The following EXOC6B variants were observed in gnomAD, a reference collection of about 807,000 sequenced individuals.
EXOC6B encodes the protein exocyst complex component 6B, also known as SEC15 homolog B.
A neutral mutation model predicts 113.5 loss-of-function variants in EXOC6B; 54 were observed. The ratio of observed to expected loss-of-function variants is 0.48; its 90% CI spans 0.38 to 0.60. EXOC6B has a LOEUF of 0.60. Ranked by LOEUF, EXOC6B falls within the 20% of genes least tolerant of loss-of-function variation. EXOC6B has a pLI of 0.00. For synonymous variants in EXOC6B, 357 were observed against 339.0 expected (o/e 1.05, Z -0.58); for missense variants, 797 against 977.5 (o/e 0.82, Z 2.46).
chr2:72,605,277 C>G (rs973925863), intron 6 of EXOC6B, among the ~76,000 whole-genome samples: 37 of 148,124 alleles, frequency 2.5e-4, no homozygotes, highest in Admixed American at 6.1e-4. Context: ...GAGCAAGACT[C>G]TGTCTCCCAA....
chr2:72,385,746 C>T (rs141871011), intron 18 of EXOC6B, among the ~76,000 whole-genome samples: 3 of 152,086 alleles, frequency 2.0e-5, no homozygotes, highest in Admixed American at 1.3e-4. Flanking sequence ...ATAGCCAAGA[C>T]GTATATGAAA....
intron 11 of EXOC6B, among the ~76,000 whole-genome samples, chr2:72,503,375 G>A (rs1411095125): frequency 2.0e-5 from 3 of 152,048 alleles, no homozygotes; most frequent in Admixed American, 2.0e-4. Flanking sequence ...CCAACCCCCA[G>A]GCAACAGGGA....
chr2:72,247,001 A>G (rs1682705018), intron 20 of EXOC6B, among the ~76,000 whole-genome samples: 1 of 152,164 alleles, frequency 6.6e-6, no homozygotes, highest in African/African-American at 2.4e-5. Context: ...CATATTTAGC[A>G]ACTTTACAGT....
intron 20 of EXOC6B, among the ~76,000 whole-genome samples, chr2:72,322,778 G>A (rs1369791579): frequency 6.6e-6 from 1 of 152,088 alleles, no homozygotes; most frequent in East Asian, 1.9e-4. Flanking sequence ...GGGAAAACTG[G>A]CTAGCAATAT....
At chr2:72,515,557 A>C in intron 8 of EXOC6B, 1 of 1,005,126 alleles carries the variant, frequency 9.9e-7, no homozygotes, top group Non-Finnish European at 1.2e-6. Flanking sequence ...GAAGCAGGAA[A>C]AAAGCAGGAA....
intron 20 of EXOC6B, among the ~76,000 whole-genome samples, chr2:72,216,703 A>G (rs1680558085): frequency 6.6e-6 from 1 of 152,232 alleles, no homozygotes; most frequent in Non-Finnish European, 1.5e-5. Flanking sequence ...CATATACACC[A>G]TGGAAAACTA....
intron 7 of EXOC6B, among the ~76,000 whole-genome samples, chr2:72,560,975 G>T (rs1703856101): frequency 6.6e-6 from 1 of 151,904 alleles, no homozygotes; most frequent in Non-Finnish European, 1.5e-5. Flanking sequence ...AGTGCAAATG[G>T]ACACTCATTT....
At chr2:72,470,506 T>A (rs1043122363) in intron 17 of EXOC6B, among the ~76,000 whole-genome samples, 1 of 152,090 alleles carries the variant, frequency 6.6e-6, no homozygotes, top group African/African-American at 2.4e-5. Context: ...TTAGGGTACA[T>A]TGCACAACGC....
chr2:72,791,391 A>G (rs1207509125), intron 1 of EXOC6B, among the ~76,000 whole-genome samples: 1 of 152,096 alleles, frequency 6.6e-6, no homozygotes, highest in African/African-American at 2.4e-5. Flanking sequence ...AAAAAAATAA[A>G]CAAAACTAGC....
chr2:72,472,266 G>A (rs1698456796), intron 17 of EXOC6B, among the ~76,000 whole-genome samples: 1 of 151,998 alleles, frequency 6.6e-6, no homozygotes, highest in Admixed American at 6.6e-5. Flanking sequence ...TAATTTTTTG[G>A]AACAGTTTCA....
At chr2:72,656,421 A>G (rs574512789) in intron 6 of EXOC6B, among the ~76,000 whole-genome samples, 6 of 152,222 alleles carry the variant, frequency 3.9e-5, no homozygotes, top group African/African-American at 1.4e-4. Context: ...TCAAACAGAA[A>G]ACAAAGAAAA....
chr2:72,662,130 A>C, intron 6 of EXOC6B, among the ~76,000 whole-genome samples: 1 of 151,144 alleles, frequency 6.6e-6, no homozygotes, highest in Non-Finnish European at 1.5e-5. Flanking sequence ...GGGGAAAGGA[A>C]GAGAGGAAGT....
chr2:72,627,509 AGTT>A (rs1672132538), intron 6 of EXOC6B, among the ~76,000 whole-genome samples: 1 of 152,172 alleles, frequency 6.6e-6, no homozygotes, highest in Non-Finnish European at 1.5e-5. Flanking sequence ...TTTTGGATAC[AGTT>A]AGTTTCAAGT....
chr2:72,212,468 G>A (rs1680254404), intron 20 of EXOC6B, among the ~76,000 whole-genome samples: 1 of 152,068 alleles, frequency 6.6e-6, no homozygotes, highest in South Asian at 2.1e-4. Context: ...AGGGATAAAA[G>A]AAGAAAGCAA....
intron 6 of EXOC6B, among the ~76,000 whole-genome samples, chr2:72,673,991 G>A (rs1201600827): frequency 6.6e-6 from 1 of 151,858 alleles, no homozygotes; most frequent in Non-Finnish European, 1.5e-5. Flanking sequence ...TCTGACAAAC[G>A]GCAGATACTG....
At chr2:72,600,035 C>A (rs1218267238) in intron 6 of EXOC6B, among the ~76,000 whole-genome samples, 1 of 152,060 alleles carries the variant, frequency 6.6e-6, no homozygotes, top group African/African-American at 2.4e-5. Context: ...TGACTATTGA[C>A]AAACTGATTC....
chr2:72,511,642 C>A (rs1319777435), intron 11 of EXOC6B, among the ~76,000 whole-genome samples: 1 of 152,116 alleles, frequency 6.6e-6, no homozygotes, highest in Non-Finnish European at 1.5e-5. Context: ...TGTTATCCCA[C>A]CTTCACCTTG....
chr2:72,373,182 C>T (rs1312963924), intron 19 of EXOC6B, among the ~76,000 whole-genome samples: 1 of 151,476 alleles, frequency 6.6e-6, no homozygotes, highest in African/African-American at 2.4e-5. Context: ...AATTCTCCTG[C>T]CTCAGCCTCT....
rs957548581 is a variant in EXOC6B, at chr2:72,351,730, C to T, written c.2123-16710G>A. Among the ~76,000 whole-genome samples, 129 of 152,076 alleles carry T rather than the reference C, an allele frequency of 8.5e-4. 1 individual carries two copies. The highest frequency in any genetic ancestry group is 2.9e-4 in the Non-Finnish European group (20 of 68,002). ...AACTGGTTTTTACATCTAGTCTTGC[C>T]TCTCTCCTATGGATTTATCACCCTT... is the stretch of plus-strand genomic sequence containing the variant. On this transcript the variant is annotated intron_variant, in intron 19 of 21. Coordinates refer to ENST00000272427, the MANE Select transcript of EXOC6B (RefSeq NM_015189.3).
Sources: allele counts gnomAD v4.1 joint callset (sites outside exome capture counted in the v4.1 genomes callset), GRCh38; gene constraint gnomAD v4.1.1; transcripts MANE v1.5; gene names NCBI Gene and HGNC (gene_info 2026-07-23, HGNC 2026-07-21).